UNC79: variants seen among roughly 807,000 people sequenced by gnomAD.
UNC79 encodes the protein protein unc-79 homolog.
In UNC79, 37 loss-of-function variants were observed where a neutral mutation model predicts 283.1. The ratio of observed to expected loss-of-function variants is 0.13; its 90% CI spans 0.10 to 0.17. The LOEUF (loss-of-function observed/expected upper bound fraction) is 0.17. UNC79 is among the 10% of genes least tolerant of loss of function. The pLI, the probability that UNC79 is intolerant of heterozygous loss-of-function variation, is 1.00. For missense variants in UNC79, 2,272 were observed against 3,211.1 expected, an observed-to-expected ratio of 0.71 and a Z score of 7.07; for synonymous variants, 1,107 against 1,200.2, an observed-to-expected ratio of 0.92 and a Z score of 1.61.
chr14:93,625,557 C>T (rs533643652), intron 30 of UNC79, among the ~76,000 whole-genome samples: 1 of 152,164 alleles, frequency 6.6e-6, no homozygotes, highest in Non-Finnish European at 1.5e-5. Context: ...CATTGCAGAC[C>T]TTATTATTTG....
At position 93,653,750 on chromosome 14, in the gene UNC79, T is replaced by C. The variant is rs2070581828; in HGVS notation, c.6092T>C (p.Val2031Ala). ...CCCCTGTTCAACTCCAGCATGATGG[T>C]TCCCGGCAATGCGGCGGGGGTGGCC... Residue 2031 changes from valine to alanine, a missense_variant, in exon 36 of 49, where the codon GTT (valine) becomes GCT (alanine). Around this residue, in one of 11 missense-constraint regions of UNC79, gnomAD observed 287 missense variants for 446.4 expected, o/e 0.64. Transcript: ENST00000555664. 2 of 1,613,236 alleles carry C rather than the reference T, an allele frequency of 1.2e-6. No individual in the cohort carries two copies. The highest frequency in any genetic ancestry group is 1.7e-6 in the Non-Finnish European group (2 of 1,179,362).
intron 45 of UNC79, chr14:93,691,423 A>G (rs2074691752): frequency 4.6e-6 from 2 of 436,678 alleles, no homozygotes; most frequent in Admixed American, 6.9e-5. Flanking sequence ...CTAACATGGC[A>G]GAATGATTAT....
exon 9 of UNC79, chr14:93,528,599 A>G: frequency 1.9e-6 from 3 of 1,613,868 alleles, no homozygotes; most frequent in Non-Finnish European, 2.5e-6. Context: ...TGGGTGATAA[A>G]CCACCCCCGT....
At chr14:93,404,486 T>A (rs2055174840) in intron 1 of UNC79, among the ~76,000 whole-genome samples, 4 of 53,048 alleles carry the variant, frequency 7.5e-5, no homozygotes, top group Admixed American at 2.7e-4. Flanking sequence ...TGAGACCTTC[T>A]AAAAAAAATA....
At chr14:93,582,307 G>A in exon 20 of UNC79, 1 of 1,614,154 alleles carries the variant, frequency 6.2e-7, no homozygotes, top group Non-Finnish European at 8.5e-7. Flanking sequence ...AGCATGGGGA[G>A]AACCCAGGCA....
intron 40 of UNC79, among the ~76,000 whole-genome samples, chr14:93,663,731 T>G (rs2071847472): frequency 6.6e-6 from 1 of 152,052 alleles, no homozygotes; most frequent in Admixed American, 6.5e-5. Context: ...TTTTTTCTTC[T>G]TTTAGAAACT....
intron 1 of UNC79, 90 bp from the exon 2 acceptor site, chr14:93,467,581 G>A (rs979264933): frequency 2.5e-6 from 3 of 1,200,494 alleles, no homozygotes; most frequent in Middle Eastern, 2.9e-4. Flanking sequence ...ATGACTGTAT[G>A]CCTAATACAT....
chr14:93,346,467 G>C (rs1363878036), intron 1 of UNC79, among the ~76,000 whole-genome samples: 1 of 152,212 alleles, frequency 6.6e-6, no homozygotes, highest in Non-Finnish European at 1.5e-5. Context: ...GGGTGACACA[G>C]TGAGACCTGT....
At position 93,459,674 on chromosome 14, in the gene UNC79, CT is replaced by C. The variant is rs34182907; in HGVS notation, c.23-7983del. Among the ~76,000 whole-genome samples, 235 of 90,660 alleles carry C rather than the reference CT, an allele frequency of 2.6e-3. 3 individuals carry two copies. The highest frequency in any genetic ancestry group is 9.4e-3 in the African/African-American group (192 of 20,446). 59.5% of individuals were successfully genotyped at this position (90,660 alleles called of 152,430 possible). The stretch of plus-strand genomic sequence containing the variant: ...TGTTTTTGAACTTTGGTTTATTCAA[CT>C]TTTTTTTTTTTTTGAGACGGAGTCT... On this transcript the variant is annotated intron_variant, in intron 1 of 48. Coordinates refer to ENST00000555664, the Ensembl canonical transcript of UNC79.
chr14:93,492,056 C>T (rs1173835228), intron 5 of UNC79, among the ~76,000 whole-genome samples: 1 of 152,144 alleles, frequency 6.6e-6, no homozygotes, highest in Non-Finnish European at 1.5e-5. Context: ...AGAACACAAT[C>T]CTTACTTAAG....
At chr14:93,541,039 C>A (rs1268465326) in intron 13 of UNC79, among the ~76,000 whole-genome samples, 2 of 152,172 alleles carry the variant, frequency 1.3e-5, no homozygotes, top group Non-Finnish European at 2.9e-5. Context: ...ATGCCCAGAT[C>A]GCATTCCAGA....
chr14:93,696,431 A>G (rs1159601245), intron 47 of UNC79, among the ~76,000 whole-genome samples: 2 of 152,238 alleles, frequency 1.3e-5, no homozygotes, highest in Admixed American at 6.5e-5. Flanking sequence ...CATCCAGTAT[A>G]TGAACAGTGT....
At chr14:93,364,566 C>A in intron 1 of UNC79, among the ~76,000 whole-genome samples, 2 of 49,612 alleles carry the variant, frequency 4.0e-5, no homozygotes, top group South Asian at 5.8e-4. Flanking sequence ...TCAGTTTCAA[C>A]ATATACAAGG....
intron 22 of UNC79, among the ~76,000 whole-genome samples, chr14:93,589,834 G>A (rs2064524922): frequency 6.6e-6 from 1 of 152,112 alleles, no homozygotes; most frequent in African/African-American, 2.4e-5. Flanking sequence ...AAATAGAGGT[G>A]GGAGGATCAC....
chr14:93,638,846 T>C lies in UNC79; in HGVS notation c.5800+1547T>C, dbSNP rs2068749268. Among the ~76,000 whole-genome samples the C allele has an allele frequency of 2.0e-5, 3 of 152,172 alleles. No individual in the cohort carries two copies. The South Asian group carries it at 6.2e-4, about 32-fold the overall frequency. On this transcript the variant is annotated intron_variant, in intron 32 of 48. Coordinates refer to ENST00000555664, the Ensembl canonical transcript of UNC79. ...TGGCTTCCTTTTTGCATTTCCCACC[T>C]CCTCCTAGTACATTACTTTTTGTTC...
intron 1 of UNC79, among the ~76,000 whole-genome samples, chr14:93,414,006 T>C (rs562374176): frequency 6.6e-6 from 1 of 152,244 alleles, no homozygotes; most frequent in East Asian, 1.9e-4. Context: ...TAGTTTCTTT[T>C]GCTGTGCAGA....
At chr14:93,517,256 TCTC>T (rs1355524682) in intron 7 of UNC79, among the ~76,000 whole-genome samples, 2 of 150,068 alleles carry the variant, frequency 1.3e-5, no homozygotes, top group Admixed American at 6.6e-5. Flanking sequence ...TCTTTCTTTT[TCTC>T]CTCTTTTCCT....
At chr14:93,665,258 CA>C (rs2140495255) in intron 40 of UNC79, among the ~76,000 whole-genome samples, 1 of 146,578 alleles carries the variant, frequency 6.8e-6, no homozygotes, top group East Asian at 2.0e-4. Flanking sequence ...CAGATTTAAA[CA>C]AAGTAGAAAT....
At chr14:93,605,057 A>G in intron 26 of UNC79, 96 bp downstream of exon 27, 4 of 1,334,524 alleles carry the variant, frequency 3.0e-6, no homozygotes, top group Non-Finnish European at 4.0e-6. Flanking sequence ...AGGGTGATAT[A>G]CCTAGGATTT....
Sources: gnomAD v4.1 joint callset for allele counts (sites outside exome capture counted in the v4.1 genomes callset) on GRCh38, gnomAD v4.1.1 for gene constraint, gnomAD v4.1.1 regional missense constraint, MANE v1.5 for transcripts, NCBI Gene and HGNC (gene_info 2026-07-23, HGNC 2026-07-21) for gene names.